Variants in ZNF18 observed in about 807,000 individuals in gnomAD.
ZNF18 encodes heart development-specific gene 1 protein.
A neutral mutation model predicts 58.1 loss-of-function variants in ZNF18; 42 were observed. The ratio of observed to expected loss-of-function variants is 0.72; its 90% CI spans 0.56 to 0.93. ZNF18 has a LOEUF of 0.93. Among genes scored for constraint, ZNF18 ranks in the 40% least tolerant of loss-of-function variants. The probability of loss-of-function intolerance (pLI) is 0.00; values close to 1 mark genes in which losing one functional copy is unlikely to be tolerated. For missense variants in ZNF18, 540 were observed against 644.2 expected, an observed-to-expected ratio of 0.84 and a Z score of 1.75; for synonymous variants, 231 against 239.8, an observed-to-expected ratio of 0.96 and a Z score of 0.34.
chr17:11,993,162 G>C (rs1266172343), intron 1 of ZNF18, among the ~76,000 whole-genome samples: 1 of 152,142 alleles, frequency 6.6e-6, no homozygotes, highest in African/African-American at 2.4e-5. Context: ...CAAATGTCCA[G>C]ACAAAATGAA....
In ZNF18 at chr17:11,992,707, G is replaced by C; in HGVS notation, c.123C>G (p.Arg41=). The change falls in exon 2 of 7, where the codon CGC becomes CGG. Residue 41 remains arginine (R), a synonymous_variant. Transcript: ENST00000580306. ...GGTAACGGAACTGCCTGAAAAGCTG[G>C]CGTGCGGTCTCAGGGCTGGAGAGTT... The part of the protein sequence containing the change: ...QEELSSPETA[R]QLFRQFRYQV... 1 of 1,614,250 alleles carries C rather than the reference G, an allele frequency of 6.2e-7. No homozygotes were observed. Among genetic ancestry groups the C allele is most frequent in the Non-Finnish European group, 8.5e-7 (1 of 1,180,056 alleles).
intron 4 of ZNF18, among the ~76,000 whole-genome samples, chr17:11,985,148 T>C (rs1967654817): frequency 6.6e-6 from 1 of 152,232 alleles, no homozygotes; most frequent in Non-Finnish European, 1.5e-5. Flanking sequence ...TGGTAGGTTC[T>C]CTGGAGCAAG....
At chr17:11,984,240 A>T in intron 4 of ZNF18, 43 bp from the exon 5 acceptor site, 1 of 1,569,118 alleles carries the variant, frequency 6.4e-7, no homozygotes, top group Non-Finnish European at 8.6e-7. Context: ...CATGACTCCA[A>T]TGAAGGTGTT....
the ZNF18 span, among the ~76,000 whole-genome samples, chr17:12,018,444 A>G: frequency 6.6e-6 from 1 of 152,166 alleles, no homozygotes; most frequent in Non-Finnish European, 1.5e-5. Flanking sequence ...ATCTTCTCCT[A>G]GCTCTGTGTG....
chr17:11,989,261 G>A (rs1050317537), intron 4 of ZNF18, among the ~76,000 whole-genome samples: 15 of 152,086 alleles, frequency 9.9e-5, no homozygotes, highest in Admixed American at 7.2e-4. Flanking sequence ...GGAGGTCAAG[G>A]CTGCAGTGAG....
At chr17:11,996,277 C>T (rs1055864777) in intron 1 of ZNF18, among the ~76,000 whole-genome samples, 1 of 152,130 alleles carries the variant, frequency 6.6e-6, no homozygotes, top group African/African-American at 2.4e-5. Context: ...TTTAAAAATA[C>T]CTTGCTTTGT....
chr17:12,018,799 T>G, the ZNF18 span, among the ~76,000 whole-genome samples: 1 of 152,164 alleles, frequency 6.6e-6, no homozygotes, highest in South Asian at 2.1e-4. Flanking sequence ...AATGCAAGTA[T>G]ATGTCAGTTT....
chr17:12,019,546 C>T, the ZNF18 span, among the ~76,000 whole-genome samples: 1 of 152,020 alleles, frequency 6.6e-6, no homozygotes, highest in Non-Finnish European at 1.5e-5. Flanking sequence ...ATTGGGCAGC[C>T]AACGAGGCCC....
chr17:12,012,422 C>T, the ZNF18 span, among the ~76,000 whole-genome samples: 1 of 152,138 alleles, frequency 6.6e-6, no homozygotes, highest in African/African-American at 2.4e-5. Context: ...TATTCAGTAA[C>T]CTTGGACATA....
the ZNF18 span, chr17:12,020,825 C>T: frequency 1.8e-5 from 14 of 768,490 alleles, no homozygotes; most frequent in South Asian, 1.3e-4. Flanking sequence ...CTCGGCCGTG[C>T]GAGAGGCCGA....
chr17:12,006,728 G>C, the ZNF18 span, among the ~76,000 whole-genome samples: 2 of 151,896 alleles, frequency 1.3e-5, no homozygotes, highest in African/African-American at 4.8e-5. Flanking sequence ...TCCAACCTAG[G>C]TGCCGAAGCT....
the ZNF18 span, among the ~76,000 whole-genome samples, chr17:12,016,861 T>C: frequency 6.6e-6 from 1 of 152,192 alleles, no homozygotes; most frequent in Non-Finnish European, 1.5e-5. Flanking sequence ...ATGAACATTT[T>C]CTTATAAATC....
the ZNF18 span, among the ~76,000 whole-genome samples, chr17:12,004,439 T>C: frequency 6.6e-6 from 1 of 152,170 alleles, no homozygotes; most frequent in Non-Finnish European, 1.5e-5. Context: ...ATAACAGTAA[T>C]AATGCAGGCA....
At chr17:12,017,777 T>G in the ZNF18 span, among the ~76,000 whole-genome samples, 1 of 151,760 alleles carries the variant, frequency 6.6e-6, no homozygotes, top group East Asian at 1.9e-4. Context: ...CTCGGGAGGC[T>G]GAGGCAGGAG....
intron 6 of ZNF18, among the ~76,000 whole-genome samples, chr17:11,981,521 C>G (rs888422313): frequency 1.5e-5 from 2 of 137,530 alleles, no homozygotes; most frequent in Non-Finnish European, 3.1e-5. Flanking sequence ...AGACAGGAAC[C>G]TATAATAGCT....
At chr17:11,993,944 C>T (rs1359406592) in intron 1 of ZNF18, among the ~76,000 whole-genome samples, 1 of 148,978 alleles carries the variant, frequency 6.7e-6, no homozygotes, top group Non-Finnish European at 1.5e-5. Flanking sequence ...TTTAGAAGAT[C>T]ACAACTAAGA....
intron 1 of ZNF18, among the ~76,000 whole-genome samples, chr17:11,994,041 C>A (rs988662673): frequency 2.0e-5 from 3 of 152,018 alleles, no homozygotes; most frequent in African/African-American, 7.2e-5. Flanking sequence ...TGCAAGTAAT[C>A]ACAATATAGG....
At chr17:11,983,188 C>T (rs1048963522) in intron 6 of ZNF18, 109 bp downstream of exon 6, 6 of 740,286 alleles carry the variant, frequency 8.1e-6, no homozygotes, top group Admixed American at 4.2e-5. Flanking sequence ...TTATAACCAA[C>T]GTAATAGAAT....
rs775707316 is a variant in ZNF18 at position 11,978,698 on chromosome 17, G to C, written c.909C>G (p.His303Gln). 2 of 1,604,988 alleles carry C rather than the reference G, an allele frequency of 1.2e-6. No homozygotes were observed. Among genetic ancestry groups the C allele is most frequent in the African/African-American group, 2.7e-5 (2 of 74,524 alleles). Reference protein sequence around the residue: ...NDKENLNLENHRDQELLHASC... With the variant: ...NDKENLNLENQRDQELLHASC... ...AAGCATGCAGGAGCTCCTGGTCCCT[G>C]TGATTCTCCAAATTTAGGTTCTCCT... The change falls in exon 7 of 7, where the codon CAC becomes CAG. Residue 303 changes from histidine (H) to glutamine (Q), a missense_variant. Coordinates refer to ENST00000580306, the MANE Select transcript of ZNF18 (RefSeq NM_001303281.2).
Sources: allele counts gnomAD v4.1 joint callset (sites outside exome capture counted in the v4.1 genomes callset), GRCh38; gene constraint gnomAD v4.1.1; transcripts MANE v1.5; gene names NCBI Gene and HGNC (gene_info 2026-07-23, HGNC 2026-07-21).